The following PNLIPRP1 variants were observed in gnomAD, a reference collection of about 807,000 sequenced individuals.
PNLIPRP1 encodes inactive pancreatic lipase-related protein 1.
A neutral mutation model predicts 54.6 loss-of-function variants in PNLIPRP1; 57 were observed. That is an observed-to-expected ratio of 1.04 (90% CI 0.84 to 1.30). PNLIPRP1 has a LOEUF of 1.30. PNLIPRP1 is among the 50% of genes most tolerant of loss of function. The pLI, the probability that PNLIPRP1 is intolerant of heterozygous loss-of-function variation, is 0.00. For synonymous variants in PNLIPRP1, 232 were observed against 208.8 expected, an observed-to-expected ratio of 1.11 and a Z score of -0.96; for missense variants, 567 against 568.5, an observed-to-expected ratio of 1.00 and a Z score of 0.03.
At chr10:116,594,045 C>T (rs182131351) in intron 4 of PNLIPRP1, 3 of 209,896 alleles carry the variant, frequency 1.4e-5, no homozygotes, top group African/African-American at 2.4e-5. Flanking sequence ...TGTGATCACA[C>T]ATATTAGTAT....
Position 116,609,076 on chromosome 10 carries a change from C to A in PNLIPRP1, c.1364C>A (p.Thr455Lys). ...KTVYNFCSED[T>K]VREDTLLTLT... is the part of the protein sequence containing the mutation. ...AGGTACAACTTCTGTAGCGAAGACACAGTGCGGGAAGACACGCTGCTCACC... is the reference window on the plus strand; with the variant it reads ...AGGTACAACTTCTGTAGCGAAGACAAAGTGCGGGAAGACACGCTGCTCACC... The change falls in exon 13 of 13, where the codon ACA becomes AAA. Residue 455 changes from threonine (T) to lysine (K), a missense_variant. Coordinates refer to ENST00000358834, the MANE Select transcript of PNLIPRP1 (RefSeq NM_006229.4). 3.7e-6 allele frequency: 6 copies of A among 1,613,468 alleles called. No individual in the cohort carries two copies. Among genetic ancestry groups the A allele is most frequent in the Non-Finnish European group, 5.1e-6 (6 of 1,179,446 alleles).
Position 116,605,573 on chromosome 10 carries a change from G to A in PNLIPRP1, c.1340+20G>A, listed in dbSNP as rs1589577399. The A allele has an allele frequency of 1.4e-6, 2 of 1,467,858 alleles. No individual in the cohort carries two copies. Among genetic ancestry groups the A allele is most frequent in the Middle Eastern group, 1.8e-4 (1 of 5,546 alleles). 90.9% of individuals were successfully genotyped at this position (1,467,858 alleles called of 1,614,324 possible). On this transcript the variant is annotated intron_variant, in intron 12 of 12. Transcript: ENST00000358834. ...GACAGTGTATGTATCTTTGCTGGCT[G>A]GTGCCTAAAAATGTTTGCAGAGATT... is the stretch of plus-strand genomic sequence containing the variant.
chr10:116,596,164 A>C (rs782681741), intron 5 of PNLIPRP1, 50 bp from the exon 6 acceptor site: 38 of 1,279,530 alleles, frequency 3.0e-5, no homozygotes, highest in Admixed American at 7.0e-5. Flanking sequence ...CTGGCATTTT[A>C]GAAAAACCAC....
intron 12 of PNLIPRP1, among the ~76,000 whole-genome samples, chr10:116,607,124 G>A (rs1455043423): frequency 1.3e-5 from 2 of 151,878 alleles, no homozygotes; most frequent in Non-Finnish European, 2.9e-5. Context: ...TAACCTCATT[G>A]GGGTTTCAAT....
intron 12 of PNLIPRP1, among the ~76,000 whole-genome samples, chr10:116,607,208 T>C (rs12252579): frequency 0.36 from 54,382 of 150,446 alleles, 10,121 homozygotes; most frequent in East Asian, 0.51. Context: ...GCCCTCCCCC[T>C]CTTTATTTCT....
chr10:116,593,450 G>A (rs1847678096), intron 4 of PNLIPRP1, among the ~76,000 whole-genome samples: 1 of 152,146 alleles, frequency 6.6e-6, no homozygotes, highest in African/African-American at 2.4e-5. Context: ...CCAGGAGCCT[G>A]CCTTCCACAC....
intron 4 of PNLIPRP1, chr10:116,592,999 C>T (rs1425212600): frequency 3.3e-6 from 1 of 301,330 alleles, no homozygotes; most frequent in Non-Finnish European, 6.5e-6. Flanking sequence ...GAAACCCTAT[C>T]TCTACTAATG....
chr10:116,601,142 G>T lies in PNLIPRP1; in HGVS notation c.1004G>T (p.Arg335Met). The T allele has an allele frequency of 1.2e-6, 2 of 1,614,060 alleles. No homozygotes were observed. The highest frequency in any genetic ancestry group is 1.7e-6 in the Non-Finnish European group (2 of 1,179,958). Residue 335 changes from arginine (R) to methionine (M), a missense_variant, in exon 10 of 13, where the codon AGG becomes ATG. Transcript: ENST00000358834. The part of the protein sequence containing the change: ...MGHYADKFAG[R>M]TSEEQQKFFL... ...CACTATGCTGATAAATTTGCTGGCA[G>T]GACAAGTGAAGAGCAGCAGAAATTC...
At chr10:116,594,960 C>A in intron 5 of PNLIPRP1, 96 bp downstream of exon 5, 1 of 1,418,380 alleles carries the variant, frequency 7.1e-7, no homozygotes, top group South Asian at 1.3e-5. Context: ...TAAAGAAGGA[C>A]AAAGAATTGA....
Position 116,601,094 on chromosome 10 carries a change from A to G in PNLIPRP1, c.956A>G (p.Asp319Gly). The G allele has an allele frequency of 6.2e-7, 1 of 1,613,722 alleles. No individual in the cohort carries two copies. The highest frequency in any genetic ancestry group is 8.5e-7 in the Non-Finnish European group (1 of 1,179,870). ...TAGGACAAGTGCTTCCCGTGTCCAG[A>G]TCAAGGATGCCCACAGATGGGTCAC... The part of the protein sequence containing the change: ...FESDKCFPCP[D>G]QGCPQMGHYA... The change falls in exon 10 of 13, where the codon GAT (aspartate) becomes GGT (glycine). Residue 319 changes from aspartate (D) to glycine (G), a missense_variant. By Grantham distance (94) the Asp-to-Gly change is moderately conservative. Coordinates refer to ENST00000358834, the MANE Select transcript of PNLIPRP1 (RefSeq NM_006229.4).
chr10:116,608,084 G>A (rs897991923), intron 12 of PNLIPRP1, among the ~76,000 whole-genome samples: 3 of 152,060 alleles, frequency 2.0e-5, no homozygotes, highest in Non-Finnish European at 2.9e-5. Context: ...TCAAACTCCC[G>A]GCCTCAAGTG....
intron 10 of PNLIPRP1, among the ~76,000 whole-genome samples, chr10:116,602,270 C>T (rs969348317): frequency 2.6e-5 from 4 of 152,158 alleles, no homozygotes; most frequent in Admixed American, 1.3e-4. Context: ...CCGCCTGCCT[C>T]GGCCTCCCAA....
Position 116,592,447 on chromosome 10 carries a change from A to G in PNLIPRP1, c.236A>G (p.Glu79Gly). 2 of 1,612,802 alleles carry G rather than the reference A, an allele frequency of 1.2e-6. No individual in the cohort carries two copies. Among genetic ancestry groups the G allele is most frequent in the Non-Finnish European group, 1.7e-6 (2 of 1,179,060 alleles). ...ILLLSDPSTI[E>G]ASNFQMDRKT... ...CTCCTCTCTGATCCATCAACAATTG[A>G]GGCATCAAATTTTCAAATGGACAGA... is the stretch of plus-strand genomic sequence containing the variant. Residue 79 changes from glutamate (E) to glycine (G), a missense_variant, in exon 4 of 13, where the codon GAG (glutamate) becomes GGG (glycine). Physicochemically the swap from Glu to Gly is moderately conservative, Grantham distance 98. Coordinates refer to ENST00000358834, the MANE Select transcript of PNLIPRP1 (RefSeq NM_006229.4).
At chr10:116,599,923 TG>T (rs1431767573) in intron 8 of PNLIPRP1, 123 bp from the exon 9 acceptor site, 1 of 696,988 alleles carries the variant, frequency 1.4e-6, no homozygotes, top group African/African-American at 1.8e-5. Context: ...GGCTGAATTT[TG>T]GATTTATCTT....
chr10:116,600,583 C>A, intron 9 of PNLIPRP1: 1 of 174,680 alleles, frequency 5.7e-6, no homozygotes, highest in Non-Finnish European at 1.2e-5. Context: ...GTCCTATATG[C>A]CAGGCTGGCA....
chr10:116,592,826 A>G (rs1847664898), intron 4 of PNLIPRP1: 1 of 442,682 alleles, frequency 2.3e-6, no homozygotes, highest in Non-Finnish European at 4.3e-6. Context: ...TTTGTATCCT[A>G]TAAGCGAGGG....
intron 12 of PNLIPRP1, among the ~76,000 whole-genome samples, chr10:116,607,118 C>T (rs148493368): frequency 6.6e-6 from 1 of 151,964 alleles, no homozygotes; most frequent in Non-Finnish European, 1.5e-5. Flanking sequence ...TTTTAGTAAC[C>T]TCATTGGGGT....
intron 11 of PNLIPRP1, among the ~76,000 whole-genome samples, chr10:116,604,380 T>C (rs1456861570): frequency 6.6e-6 from 1 of 152,212 alleles, no homozygotes; most frequent in Non-Finnish European, 1.5e-5. Context: ...ATACTTACCA[T>C]TGTGTTCCAG....
At chr10:116,607,719 T>C (rs1445462518) in intron 12 of PNLIPRP1, among the ~76,000 whole-genome samples, 1 of 152,210 alleles carries the variant, frequency 6.6e-6, no homozygotes, top group East Asian at 1.9e-4. Flanking sequence ...TCACAGGTGG[T>C]GAGGCCTGAG....
Sources: allele counts gnomAD v4.1 joint callset (sites outside exome capture counted in the v4.1 genomes callset), GRCh38; gene constraint gnomAD v4.1.1; transcripts MANE v1.5; gene names NCBI Gene and HGNC (gene_info 2026-07-23, HGNC 2026-07-21).